Variants in CARMIL1 observed in about 807,000 individuals in gnomAD.
CARMIL1 encodes F-actin-uncapping protein LRRC16A.
A neutral mutation model predicts 177.1 loss-of-function variants in CARMIL1; 90 were observed. That is an observed-to-expected ratio of 0.51 (90% CI 0.43 to 0.61). CARMIL1 has a LOEUF of 0.61. CARMIL1 is among the 20% of genes least tolerant of loss of function. The pLI, the probability that CARMIL1 is intolerant of heterozygous loss-of-function variation, is 0.00. For missense variants in CARMIL1, 1,380 were observed against 1,667.0 expected, an observed-to-expected ratio of 0.83 and a Z score of 3.00; for synonymous variants, 577 against 606.2, an observed-to-expected ratio of 0.95 and a Z score of 0.71.
At chr6:25,320,693 G>A (rs950524766) in intron 2 of CARMIL1, among the ~76,000 whole-genome samples, 2 of 152,166 alleles carry the variant, frequency 1.3e-5, no homozygotes, top group African/African-American at 2.4e-5. Context: ...TGGTGATTTC[G>A]TTGAAAGCTG....
intron 2 of CARMIL1, among the ~76,000 whole-genome samples, chr6:25,324,414 C>G (rs965056668): frequency 2.7e-5 from 4 of 150,928 alleles, no homozygotes; most frequent in Admixed American, 1.3e-4. Flanking sequence ...GAGCAAAGCT[C>G]TCTTAGATAT....
chr6:25,403,081 G>C (rs1281977176), intron 2 of CARMIL1, among the ~76,000 whole-genome samples: 1 of 142,948 alleles, frequency 7.0e-6, no homozygotes, highest in Non-Finnish European at 1.5e-5. Flanking sequence ...TCCATAAAGA[G>C]TTTTTTTTTT....
chr6:25,508,325 T>C (rs2151041668), intron 17 of CARMIL1, among the ~76,000 whole-genome samples: 1 of 152,336 alleles, frequency 6.6e-6, no homozygotes, highest in African/African-American at 2.4e-5. Context: ...CTGAAGTATG[T>C]AGACCAGTCC....
Position 25,509,589 on chromosome 6 carries a change from T to C in CARMIL1, c.1396-67T>C. ...TTAAGACTGACTGTCTCTCCTATTT[T>C]TAATTTTTTGATTACATCTCCAGTA... On this transcript the variant is annotated intron_variant, in intron 17 of 36. Transcript: ENST00000329474. This position sits in a 1 kb window ranked among gnomAD's most constrained non-coding sequence, Gnocchi z 4.1. 1 of 1,055,470 alleles carries C rather than the reference T, an allele frequency of 9.5e-7. No individual in the cohort carries two copies. Among genetic ancestry groups the C allele is most frequent in the Non-Finnish European group, 1.4e-6 (1 of 705,778 alleles). 65.4% of individuals were successfully genotyped at this position (1,055,470 alleles called of 1,614,324 possible).
chr6:25,492,314 A>G (rs1803318706), intron 15 of CARMIL1, among the ~76,000 whole-genome samples: 1 of 152,242 alleles, frequency 6.6e-6, no homozygotes, highest in South Asian at 2.1e-4. Flanking sequence ...AAACCCTTTT[A>G]GAAACTTTTA....
At chr6:25,590,604 T>TG (rs1814198755) in intron 31 of CARMIL1, among the ~76,000 whole-genome samples, 1 of 150,196 alleles carries the variant, frequency 6.7e-6, no homozygotes, top group Admixed American at 6.7e-5. Context: ...AAGTGTTGTC[T>TG]ATATGCTTGT....
chr6:25,303,659 C>CTGGTGTTCCAGGGAACTTGGAGA (rs1783042268), intron 2 of CARMIL1, among the ~76,000 whole-genome samples: 2 of 152,210 alleles, frequency 1.3e-5, no homozygotes, highest in East Asian at 3.8e-4. Context: ...ATCTTTTACA[C>CTGGTGTTCCAGGGAACTTGGAGA]AAAGGGACTC....
chr6:25,301,314 A>G (rs1782842102), intron 2 of CARMIL1, among the ~76,000 whole-genome samples: 2 of 151,850 alleles, frequency 1.3e-5, no homozygotes, highest in Non-Finnish European at 2.9e-5. Flanking sequence ...AACAAGAACA[A>G]TAGGAGGTGG....
At chr6:25,402,735 C>T (rs2150586861) in intron 2 of CARMIL1, among the ~76,000 whole-genome samples, 1 of 152,232 alleles carries the variant, frequency 6.6e-6, no homozygotes, top group Non-Finnish European at 1.5e-5. Flanking sequence ...GCTGGTGGCT[C>T]CTGTATCTGA....
intron 8 of CARMIL1, among the ~76,000 whole-genome samples, chr6:25,458,180 T>A (rs1366173981): frequency 6.6e-6 from 1 of 152,284 alleles, no homozygotes; most frequent in East Asian, 1.9e-4. Flanking sequence ...AGATCTAGAC[T>A]CTCAATCCCT....
At chr6:25,521,960 A>G (rs1204876884) in intron 23 of CARMIL1, among the ~76,000 whole-genome samples, 1 of 152,104 alleles carries the variant, frequency 6.6e-6, no homozygotes, top group Non-Finnish European at 1.5e-5. Flanking sequence ...TTGTTTCCTT[A>G]ACCTTAGGGT....
chr6:25,377,117 G>A (rs904674783), intron 2 of CARMIL1, among the ~76,000 whole-genome samples: 1 of 152,212 alleles, frequency 6.6e-6, no homozygotes, highest in African/African-American at 2.4e-5. Context: ...CAGTTACCCT[G>A]AAGTATTCCA....
intron 26 of CARMIL1, among the ~76,000 whole-genome samples, chr6:25,541,603 G>T (rs1168419963): frequency 6.6e-6 from 1 of 152,042 alleles, no homozygotes; most frequent in Non-Finnish European, 1.5e-5. Flanking sequence ...ATGCTAAGTT[G>T]TTCAACCTTT....
At chr6:25,296,351 C>T (rs190797213) in intron 2 of CARMIL1, among the ~76,000 whole-genome samples, 2 of 152,270 alleles carry the variant, frequency 1.3e-5, no homozygotes, top group African/African-American at 4.8e-5. Flanking sequence ...TTGCTGAGGC[C>T]CTCAAGAGTG....
chr6:25,350,424 G>A (rs987422884), intron 2 of CARMIL1, among the ~76,000 whole-genome samples: 2 of 152,174 alleles, frequency 1.3e-5, no homozygotes, highest in Admixed American at 6.5e-5. Context: ...ATGACCTGCA[G>A]CACTGGGGCC....
At chr6:25,618,589 A>T (rs954231948) in intron 36 of CARMIL1, among the ~76,000 whole-genome samples, 1 of 152,228 alleles carries the variant, frequency 6.6e-6, no homozygotes, top group Non-Finnish European at 1.5e-5. Context: ...GGAGAGACAG[A>T]TCTAGTTTAA....
rs188982124 is a variant in CARMIL1 at position 25,586,691 on chromosome 6, G to A, written c.3006+5252G>A. 1.2e-4 allele frequency among the ~76,000 whole-genome samples: 18 copies of A among 152,294 alleles called. No individual in the cohort carries two copies. In the East Asian group the frequency reaches 3.3e-3, roughly 28 times the overall value. On this transcript the variant is annotated intron_variant, in intron 31 of 36. Coordinates refer to ENST00000329474, the MANE Select transcript of CARMIL1 (RefSeq NM_017640.6). ...TTGAGCATTGAGTGAGCGAGACTCC[G>A]TCTGCAATCCCGGCACCTCGGGAGG...
intron 2 of CARMIL1, among the ~76,000 whole-genome samples, chr6:25,414,056 G>C (rs1381120828): frequency 1.3e-5 from 2 of 152,162 alleles, no homozygotes; most frequent in Non-Finnish European, 2.9e-5. Context: ...AGGCATATTA[G>C]GTTCTGGGGT....
chr6:25,347,132 A>G (rs1397844246), intron 2 of CARMIL1, among the ~76,000 whole-genome samples: 2 of 152,220 alleles, frequency 1.3e-5, no homozygotes, highest in African/African-American at 4.8e-5. Flanking sequence ...CTCCTCTCTA[A>G]GAGGCACTGA....
Sources: allele counts gnomAD v4.1 joint callset (sites outside exome capture counted in the v4.1 genomes callset), GRCh38; gene constraint gnomAD v4.1.1; non-coding constraint Gnocchi (gnomAD v3.1); transcripts MANE v1.5; gene names NCBI Gene and HGNC (gene_info 2026-07-23, HGNC 2026-07-21).